The following FOXP4 variants were observed in gnomAD, a reference collection of about 807,000 sequenced individuals.
FOXP4 encodes the protein forkhead box P4, also known as forkhead box protein P4.
A neutral mutation model predicts 82.6 loss-of-function variants in FOXP4; 25 were observed. The ratio of observed to expected loss-of-function variants is 0.30; its 90% CI spans 0.22 to 0.42. FOXP4 has a LOEUF of 0.42. FOXP4 is among the 10% of genes least tolerant of loss of function. The pLI, the probability that FOXP4 is intolerant of heterozygous loss-of-function variation, is 1.00. For synonymous variants in FOXP4, 415 were observed against 388.2 expected, an observed-to-expected ratio of 1.07 and a Z score of -0.81; for missense variants, 785 against 900.9, an observed-to-expected ratio of 0.87 and a Z score of 1.65.
At chr6:41,584,016 A>G (rs530311374) in intron 3 of FOXP4, among the ~76,000 whole-genome samples, 1 of 152,320 alleles carries the variant, frequency 6.6e-6, no homozygotes, top group East Asian at 1.9e-4. Context: ...GTGACTTGCT[A>G]GAGTCACACA....
chr6:41,589,753 C>G lies in FOXP4; in HGVS notation c.1066-18C>G, dbSNP rs780179148. On this transcript the variant is annotated intron_variant, in intron 9 of 16. Transcript: ENST00000307972. ...GGTTCAGCCTCCCGCTCACCTCCTGCTTTGCCACCCTCCACAGCTCGCCAA... is the reference window on the plus strand; with the variant it reads ...GGTTCAGCCTCCCGCTCACCTCCTGGTTTGCCACCCTCCACAGCTCGCCAA... 1 of 1,609,110 alleles carries G rather than the reference C, an allele frequency of 6.2e-7. No individual in the cohort carries two copies. Among genetic ancestry groups the G allele is most frequent in the South Asian group, 1.1e-5 (1 of 90,990 alleles).
At chr6:41,559,804 A>G (rs2127331449) in intron 1 of FOXP4, among the ~76,000 whole-genome samples, 1 of 152,320 alleles carries the variant, frequency 6.6e-6, no homozygotes. Context: ...GACAACCACC[A>G]TCAGCATCAC....
intron 1 of FOXP4, among the ~76,000 whole-genome samples, chr6:41,551,007 G>A (rs749603507): frequency 6.6e-6 from 1 of 152,192 alleles, no homozygotes; most frequent in Non-Finnish European, 1.5e-5. Flanking sequence ...TGAGCCTGAA[G>A]TTATTGGCTC....
intron 5 of FOXP4, among the ~76,000 whole-genome samples, chr6:41,586,689 C>G (rs1344439949): frequency 4.6e-5 from 7 of 152,238 alleles, no homozygotes; most frequent in Admixed American, 3.9e-4. Flanking sequence ...CACCCCCAGG[C>G]GTGCACAGCT....
intron 1 of FOXP4, among the ~76,000 whole-genome samples, chr6:41,554,953 A>G (rs1764194762): frequency 6.6e-6 from 1 of 151,794 alleles, no homozygotes; most frequent in Non-Finnish European, 1.5e-5. Flanking sequence ...CCACACAGCT[A>G]CTTAATAACT....
chr6:41,600,186 C>T lies in FOXP4; in HGVS notation c.*1250C>T, dbSNP rs1010273669. On this transcript the variant is annotated 3_prime_UTR_variant, in exon 17 of 17. Coordinates refer to ENST00000307972, the MANE Select transcript of FOXP4 (RefSeq NM_001012426.2). ...GGGCCCTGCCCCCCTCCCTTCCGCTCCTGCCCAGCCTGGGGGAAGGAGAAA... is the reference window on the plus strand; with the variant it reads ...GGGCCCTGCCCCCCTCCCTTCCGCTTCTGCCCAGCCTGGGGGAAGGAGAAA... 1 of 152,492 alleles carries T rather than the reference C, an allele frequency of 6.6e-6. No individual in the cohort carries two copies. The highest frequency in any genetic ancestry group is 1.5e-5 in the Non-Finnish European group (1 of 68,098). 9.4% of individuals were successfully genotyped at this position (152,492 alleles called of 1,614,324 possible).
chr6:41,547,146 G>T (rs1307322748), intron 1 of FOXP4, among the ~76,000 whole-genome samples: 3 of 152,002 alleles, frequency 2.0e-5, no homozygotes, highest in African/African-American at 7.2e-5. Context: ...GGGAACAGGT[G>T]GGGGCTGTGG....
chr6:41,548,603 T>C (rs1441990134), intron 1 of FOXP4: 2 of 152,338 alleles, frequency 1.3e-5, no homozygotes. Context: ...AGAAGCTCAC[T>C]TTCCACAGAA....
chr6:41,592,457 C>T (rs1438335694), intron 13 of FOXP4, among the ~76,000 whole-genome samples: 2 of 152,196 alleles, frequency 1.3e-5, no homozygotes, highest in Non-Finnish European at 2.9e-5. Context: ...AACCACATTC[C>T]TGCCCTCTTT....
At position 41,581,587 on chromosome 6, in the gene FOXP4, C is replaced by T. The variant is rs190694628; in HGVS notation, c.301-3182C>T. On this transcript the variant is annotated intron_variant, in intron 3 of 16. Coordinates refer to ENST00000307972, the MANE Select transcript of FOXP4 (RefSeq NM_001012426.2). ...GCATCTGAGCCTGGCAAGGGGCCAG[C>T]GGGACACCAGAGGAGCTCCAGCTCA... Among the ~76,000 whole-genome samples the T allele has an allele frequency of 5.3e-5, 8 of 152,348 alleles. No individual in the cohort carries two copies. In the East Asian group the frequency reaches 1.3e-3, roughly 26 times the overall value.
rs546994903 is a variant in FOXP4, at chr6:41,568,361, T to C, written c.204+2397T>C. Reference sequence around the variant, plus strand: ...GAGACAGCCAGAGGTAGGCACTGAGTTGTCAAGATGGCACAATAAAGGCTG... The same window carrying C: ...GAGACAGCCAGAGGTAGGCACTGAGCTGTCAAGATGGCACAATAAAGGCTG... On this transcript the variant is annotated intron_variant, in intron 2 of 16. Transcript: ENST00000307972. 1.2e-3 allele frequency among the ~76,000 whole-genome samples: 179 copies of C among 152,202 alleles called. 1 individual carries two copies. Among genetic ancestry groups the C allele is most frequent in the Admixed American group, 1.7e-3 (26 of 15,300 alleles).
chr6:41,568,131 A>T (rs1764986908), intron 2 of FOXP4, among the ~76,000 whole-genome samples: 1 of 152,224 alleles, frequency 6.6e-6, no homozygotes, highest in Non-Finnish European at 1.5e-5. Flanking sequence ...GGTCCCCAAC[A>T]ACAAATGTTC....
At position 41,597,706 on chromosome 6, in the gene FOXP4, G is replaced by A. The variant is rs1429748308; in HGVS notation, c.1726-75G>A. 3 of 1,520,128 alleles carry A rather than the reference G, an allele frequency of 2.0e-6. No individual in the cohort carries two copies. In the African/African-American group the frequency reaches 4.1e-5, roughly 21 times the overall value. The allele number at this position is 1,520,128 out of a possible 1,614,324, so 94.2% of individuals were successfully genotyped here. ...ACACAGGCAGCTCTCTAGTGGGCGG[G>A]GAAGGCACAGCACTTGACTGAGTGT... On this transcript the variant is annotated intron_variant, in intron 15 of 16. Transcript: ENST00000307972.
At chr6:41,556,850 G>C (rs1319299204) in intron 1 of FOXP4, among the ~76,000 whole-genome samples, 1 of 152,200 alleles carries the variant, frequency 6.6e-6, no homozygotes, top group Non-Finnish European at 1.5e-5. Flanking sequence ...TAGAATGCTT[G>C]GAAAGCTTTT....
chr6:41,566,751 C>T (rs1387363200), intron 2 of FOXP4, among the ~76,000 whole-genome samples: 1 of 152,134 alleles, frequency 6.6e-6, no homozygotes, highest in Non-Finnish European at 1.5e-5. Flanking sequence ...GATTCTCTTT[C>T]TCTGATTTGA....
chr6:41,556,020 G>A (rs1764255732), intron 1 of FOXP4, among the ~76,000 whole-genome samples: 1 of 152,024 alleles, frequency 6.6e-6, no homozygotes, highest in Non-Finnish European at 1.5e-5. Context: ...ACCTTGCCAG[G>A]GCCTGTGGGA....
intron 1 of FOXP4, among the ~76,000 whole-genome samples, chr6:41,554,666 C>T (rs1341550482): frequency 6.6e-6 from 1 of 151,586 alleles, no homozygotes; most frequent in Non-Finnish European, 1.5e-5. Context: ...TCAAGACCAT[C>T]CTGGCCAACA....
rs543820065 is a variant in FOXP4, at chr6:41,592,362, A to G, written c.1536+1040A>G. ...TGCATCATGACTTTCATATGCTCATACCCAATTCCCAAAGCTTGGGAGAGA... is the reference window on the plus strand; with the variant it reads ...TGCATCATGACTTTCATATGCTCATGCCCAATTCCCAAAGCTTGGGAGAGA... On this transcript the variant is annotated intron_variant, in intron 13 of 16. Coordinates refer to ENST00000307972, the MANE Select transcript of FOXP4 (RefSeq NM_001012426.2). Among the ~76,000 whole-genome samples the G allele has an allele frequency of 9.2e-5, 14 of 152,182 alleles. 1 individual carries two copies. The South Asian group carries it at 2.5e-3, about 27-fold the overall frequency.
Position 41,577,991 on chromosome 6 carries a change from C to T in FOXP4, c.210C>T (p.Leu70=), listed in dbSNP as rs141432353. 6.2e-7 allele frequency: 1 copy of T among 1,612,238 alleles called. No homozygotes were observed. Among genetic ancestry groups the T allele is most frequent in the African/African-American group, 1.3e-5 (1 of 75,048 alleles). ...ELLHFQQQQA[L]QVARQFLLQQ... ...ACTCAGCCCCTGTCTTGCAGGCTCT[C>T]CAAGTGGCCCGGCAGTTCCTGCTGC... is the stretch of plus-strand genomic sequence containing the variant. Residue 70 remains leucine, a synonymous_variant, in exon 3 of 17, where the codon CTC becomes CTT. Coordinates refer to ENST00000307972, the MANE Select transcript of FOXP4 (RefSeq NM_001012426.2).
Sources: allele counts gnomAD v4.1 joint callset (sites outside exome capture counted in the v4.1 genomes callset), GRCh38; gene constraint gnomAD v4.1.1; transcripts MANE v1.5; gene names NCBI Gene and HGNC (gene_info 2026-07-23, HGNC 2026-07-21).